ZPBP: variants seen among roughly 807,000 people sequenced by gnomAD.
The protein encoded by ZPBP is zona pellucida-binding protein 1.
A neutral mutation model predicts 44.8 loss-of-function variants in ZPBP; 26 were observed. That is an observed-to-expected ratio of 0.58 (90% CI 0.43 to 0.81). ZPBP has a LOEUF of 0.81. Among genes scored for constraint, ZPBP ranks in the 30% least tolerant of loss-of-function variants. ZPBP has a pLI of 0.00. For missense variants in ZPBP, 409 were observed against 434.0 expected (o/e 0.94, Z 0.51); for synonymous variants, 174 against 153.2 (o/e 1.14, Z -1.00).
chr7:50,059,467 C>A (rs1049577663), intron 3 of ZPBP, among the ~76,000 whole-genome samples: 1 of 152,100 alleles, frequency 6.6e-6, no homozygotes, highest in East Asian at 1.9e-4. Context: ...GAATACATGT[C>A]TATTGTAATG....
chr7:49,983,366 G>A lies in ZPBP; in HGVS notation c.937C>T (p.His313Tyr). 1 of 1,613,450 alleles carries A rather than the reference G, an allele frequency of 6.2e-7. No individual in the cohort carries two copies. Among genetic ancestry groups the A allele is most frequent in the Non-Finnish European group, 8.5e-7 (1 of 1,179,642 alleles). Reference sequence around the variant, plus strand: ...CCACAGCACTCAGGACATTTTGGATGTTGCTGGACATTCATTCCATATCCT... The same window carrying A: ...CCACAGCACTCAGGACATTTTGGATATTGCTGGACATTCATTCCATATCCT... ...FPGYGMNVQQ[H>Y]PKCPECCVIC... Residue 313 changes from histidine (H) to tyrosine (Y), a missense_variant, in exon 7 of 8, where the codon CAT becomes TAT. His to Tyr is a moderately conservative substitution (Grantham distance 83). This residue lies in a region of ZPBP where 42 missense variants were observed against 71.0 expected (regional missense o/e 0.59). Transcript: ENST00000046087.
chr7:49,915,331 C>T (rs922442932), intron 1 of ZPBP: 5 of 152,216 alleles, frequency 3.3e-5, no homozygotes, highest in Non-Finnish European at 1.5e-5. Context: ...AGCCTTGAAA[C>T]TAATTTAGGT....
At chr7:50,055,080 G>A (rs117817885) in intron 4 of ZPBP, among the ~76,000 whole-genome samples, 3,673 of 152,200 alleles carry the variant, frequency 0.024, 64 homozygotes, top group Non-Finnish European at 0.042. Flanking sequence ...TGAATTCCCT[G>A]CAGATTTTCC....
At chr7:49,936,987 T>G (rs148985695), downstream of ZPBP, among the ~76,000 whole-genome samples, 1 of 152,204 alleles carries the variant, frequency 6.6e-6, no homozygotes, top group Non-Finnish European at 1.5e-5. Flanking sequence ...AAGTTTAAGA[T>G]AGTCACACTG....
At chr7:49,992,376 G>A (rs1341626199) in intron 6 of ZPBP, among the ~76,000 whole-genome samples, 1 of 151,912 alleles carries the variant, frequency 6.6e-6, no homozygotes, top group Admixed American at 6.6e-5. Context: ...GAAAACACAA[G>A]GGAATCTGTA....
chr7:50,082,018 C>T (rs1224616604), intron 2 of ZPBP, 119 bp from the exon 3 acceptor site: 3 of 1,167,040 alleles, frequency 2.6e-6, no homozygotes, highest in African/African-American at 1.6e-5. Flanking sequence ...ATTATTGCTC[C>T]TATTACTTGA....
At chr7:49,891,396 T>C (rs188513411) in intron 2 of ZPBP, among the ~76,000 whole-genome samples, 16 of 152,348 alleles carry the variant, frequency 1.1e-4, no homozygotes, top group Admixed American at 2.0e-4. Context: ...TTGGAAGTTT[T>C]ATTTGTCATC....
chr7:49,882,108 A>G (rs1791689882), intron 2 of ZPBP, among the ~76,000 whole-genome samples: 1 of 152,182 alleles, frequency 6.6e-6, no homozygotes, highest in Admixed American at 6.5e-5. Flanking sequence ...GTATAAACAT[A>G]GATTTATATG....
At chr7:50,027,844 C>T (rs1379129500) in intron 5 of ZPBP, among the ~76,000 whole-genome samples, 1 of 151,916 alleles carries the variant, frequency 6.6e-6, no homozygotes, top group Non-Finnish European at 1.5e-5. Flanking sequence ...AACACACAAA[C>T]TACCAAAACT....
At chr7:50,085,598 C>G (rs1802595101) in intron 2 of ZPBP, among the ~76,000 whole-genome samples, 1 of 152,092 alleles carries the variant, frequency 6.6e-6, no homozygotes, top group Non-Finnish European at 1.5e-5. Context: ...AACTGTCAGT[C>G]AACATCCTGG....
chr7:49,928,722 A>G (rs11978548), intron 1 of ZPBP, among the ~76,000 whole-genome samples: 118,204 of 152,004 alleles, frequency 0.78, 46,131 homozygotes, highest in East Asian at 0.89. Context: ...TGTACACACC[A>G]GTACACCATT....
intron 7 of ZPBP, among the ~76,000 whole-genome samples, chr7:49,976,410 T>C (rs978950107): frequency 6.6e-6 from 1 of 152,156 alleles, no homozygotes; most frequent in Admixed American, 6.5e-5. Flanking sequence ...ATGATGATAT[T>C]TCCATCAGGT....
intron 7 of ZPBP, among the ~76,000 whole-genome samples, chr7:49,975,286 C>G (rs1379615441): frequency 6.6e-6 from 1 of 152,162 alleles, no homozygotes; most frequent in Non-Finnish European, 1.5e-5. Flanking sequence ...TCACTAGGAT[C>G]TAGGAAAAGG....
chr7:50,008,460 T>C (rs1562841510), intron 6 of ZPBP, among the ~76,000 whole-genome samples: 1 of 152,082 alleles, frequency 6.6e-6, no homozygotes, highest in Admixed American at 6.6e-5. Flanking sequence ...TATTTATAGA[T>C]TTAATACAAT....
chr7:49,975,315 T>C (rs904529772), intron 7 of ZPBP, among the ~76,000 whole-genome samples: 23 of 152,174 alleles, frequency 1.5e-4, no homozygotes, highest in Admixed American at 1.4e-3. Context: ...CCTCTTTTGG[T>C]GCCCAGGTCC....
At chr7:50,033,602 C>T (rs1309064457) in intron 4 of ZPBP, among the ~76,000 whole-genome samples, 1 of 152,142 alleles carries the variant, frequency 6.6e-6, no homozygotes, top group African/African-American at 2.4e-5. Flanking sequence ...TTTTAAAAGT[C>T]TTTTCCTTAT....
chr7:49,991,039 A>T (rs1157659066), intron 6 of ZPBP, among the ~76,000 whole-genome samples: 5 of 152,218 alleles, frequency 3.3e-5, no homozygotes. Context: ...CTTATAAAAT[A>T]GAGTTCTTTG....
chr7:50,005,667 C>G (rs1798273507), intron 6 of ZPBP, among the ~76,000 whole-genome samples: 1 of 151,640 alleles, frequency 6.6e-6, no homozygotes, highest in Non-Finnish European at 1.5e-5. Context: ...AAGCATGGCA[C>G]TATGGGAGAT....
chr7:49,943,487 T>C (rs950119555), intron 7 of ZPBP: 3 of 455,170 alleles, frequency 6.6e-6, no homozygotes, highest in Non-Finnish European at 1.3e-5. Context: ...AGATAGCCAA[T>C]GAACCCAACA....
Sources: gnomAD v4.1 joint callset for allele counts (sites outside exome capture counted in the v4.1 genomes callset) on GRCh38, gnomAD v4.1.1 for gene constraint, gnomAD v4.1.1 regional missense constraint, MANE v1.5 for transcripts, NCBI Gene and HGNC (gene_info 2026-07-23, HGNC 2026-07-21) for gene names.